The following DNAH6 variants were observed in gnomAD, a reference collection of about 807,000 sequenced individuals.
The protein encoded by DNAH6 is dynein axonemal heavy chain 6.
In DNAH6, 340 loss-of-function variants were observed where a neutral mutation model predicts 491.4. The observed-to-expected ratio is 0.69, with a 90% confidence interval of 0.63 to 0.76. DNAH6 has a LOEUF of 0.76. DNAH6 is among the 30% of genes least tolerant of loss of function. DNAH6 has a pLI of 0.00. For synonymous variants in DNAH6, 1,603 were observed against 1,686.1 expected (o/e 0.95, Z 1.21); for missense variants, 4,443 against 4,972.2 (o/e 0.89, Z 3.20).
chr2:84,643,068 A>C lies in DNAH6; in HGVS notation c.5078+1014A>C, dbSNP rs532566941. On this transcript the variant is annotated intron_variant, in intron 33 of 76. Transcript: ENST00000389394. The stretch of plus-strand genomic sequence containing the variant: ...TTTCTTGCAAGGCAAGGCTACTGGC[A>C]ACAAATTTTCTCAATGTTTATTTGT... 1.1e-3 allele frequency among the ~76,000 whole-genome samples: 165 copies of C among 152,274 alleles called. 5 individuals carry two copies. In the South Asian group the frequency reaches 0.031, roughly 29 times the overall value.
chr2:84,502,463 A>G, the DNAH6 span, among the ~76,000 whole-genome samples: 3 of 152,146 alleles, frequency 2.0e-5, no homozygotes, highest in African/African-American at 7.2e-5. Flanking sequence ...AGAATAATTC[A>G]TGTGCTGAGG....
Position 84,669,397 on chromosome 2 carries a change from T to G in DNAH6, c.6193T>G (p.Phe2065Val), listed in dbSNP as rs1458977581. The G allele has an allele frequency of 3.2e-6, 5 of 1,552,050 alleles. No individual in the cohort carries two copies. The Admixed American group carries it at 9.8e-5, about 30-fold the overall frequency. ...TTTCAAATACAACCGAGATGTTCCA[T>G]TTTTTGAAATGCTTGTCCCCACAAC... Reference protein sequence around the residue: ...PTFKYNRDVPFFEMLVPTTDT... With the variant: ...PTFKYNRDVPVFEMLVPTTDT... Residue 2065 changes from phenylalanine to valine, a missense_variant, in exon 38 of 77, where the codon TTT (phenylalanine) becomes GTT (valine). Physicochemically the swap from Phe to Val is conservative, Grantham distance 50 (BLOSUM62 -1). Transcript: ENST00000389394.
intron 11 of DNAH6, among the ~76,000 whole-genome samples, chr2:84,560,811 A>G (rs1384801601): frequency 6.6e-6 from 1 of 152,124 alleles, no homozygotes; most frequent in East Asian, 1.9e-4. Context: ...ATGGCTGCAT[A>G]GTATTCCATG....
At chr2:84,602,469 A>C (rs942745623) in intron 18 of DNAH6, among the ~76,000 whole-genome samples, 27 of 116,816 alleles carry the variant, frequency 2.3e-4, no homozygotes, top group African/African-American at 9.0e-4. Context: ...ATTGTTCTAT[A>C]GATGTTGTGT....
intron 37 of DNAH6, among the ~76,000 whole-genome samples, chr2:84,659,399 T>A (rs1156464954): frequency 6.6e-6 from 1 of 152,210 alleles, no homozygotes; most frequent in Non-Finnish European, 1.5e-5. Flanking sequence ...ATAAAAACTC[T>A]CTACTGTAAA....
At chr2:84,640,370 A>G (rs1689274788) in intron 31 of DNAH6, 60 bp from the exon 32 acceptor site, 1 of 1,061,222 alleles carries the variant, frequency 9.4e-7, no homozygotes, top group African/African-American at 1.6e-5. Context: ...TGTTGGTATC[A>G]TGCTAATACA....
intron 29 of DNAH6, among the ~76,000 whole-genome samples, chr2:84,628,728 A>G (rs1329429870): frequency 6.6e-6 from 1 of 152,204 alleles, no homozygotes; most frequent in South Asian, 2.1e-4. Flanking sequence ...AGCAGTCACC[A>G]CTAGAAAATG....
chr2:84,753,437 C>T (rs1279027342), intron 63 of DNAH6, among the ~76,000 whole-genome samples: 1 of 151,832 alleles, frequency 6.6e-6, no homozygotes, highest in African/African-American at 2.4e-5. Flanking sequence ...TTTAATGTCA[C>T]AACTAAGAAA....
chr2:84,472,872 C>A, the DNAH6 span, among the ~76,000 whole-genome samples: 2 of 152,152 alleles, frequency 1.3e-5, no homozygotes, highest in Non-Finnish European at 2.9e-5. Context: ...TTAAGTTGTT[C>A]ATCAGTCACA....
intron 48 of DNAH6, among the ~76,000 whole-genome samples, chr2:84,700,496 C>T (rs893087462): frequency 3.3e-5 from 5 of 152,040 alleles, no homozygotes; most frequent in African/African-American, 7.2e-5. Flanking sequence ...AAGTAGAATC[C>T]GGTGTGAAAT....
the DNAH6 span, among the ~76,000 whole-genome samples, chr2:84,492,271 C>G: frequency 1.3e-5 from 2 of 152,160 alleles, no homozygotes; most frequent in African/African-American, 4.8e-5. Context: ...TGCCTACTGT[C>G]CCTTAGAGTA....
At chr2:84,578,718 G>A (rs1682716847) in intron 13 of DNAH6, among the ~76,000 whole-genome samples, 1 of 152,184 alleles carries the variant, frequency 6.6e-6, no homozygotes, top group Admixed American at 6.5e-5. Context: ...ACTAAAGTCA[G>A]AGGTTCACAC....
chr2:84,681,358 C>T lies in DNAH6; in HGVS notation c.6746C>T (p.Ala2249Val), dbSNP rs958767282. 2.0e-6 allele frequency: 3 copies of T among 1,536,246 alleles called. No homozygotes were observed. Among genetic ancestry groups the T allele is most frequent in the Non-Finnish European group, 2.6e-6 (3 of 1,139,748 alleles). The change falls in exon 42 of 77, where the codon GCC becomes GTC. Residue 2249 changes from alanine (A) to valine (V), a missense_variant and splice_region_variant. Coordinates refer to ENST00000389394, the MANE Select transcript of DNAH6 (RefSeq NM_001370.2). ...SEHSLKQIFQ[A>V]ILNGFLSDFP... ...CTCATATTATGTTTCTGGTTCTAGG[C>T]CATCTTAAATGGTTTCCTGAGTGAC...
intron 10 of DNAH6, among the ~76,000 whole-genome samples, chr2:84,556,122 A>G (rs1679994166): frequency 6.6e-6 from 1 of 152,228 alleles, no homozygotes; most frequent in Non-Finnish European, 1.5e-5. Context: ...TTCCAGGAGA[A>G]AGGGGGTTGT....
rs1002156823 is a variant in DNAH6, at chr2:84,704,266, C to G, written c.8429C>G (p.Thr2810Arg). 3.9e-6 allele frequency: 6 copies of G among 1,551,574 alleles called. No homozygotes were observed. The highest frequency in any genetic ancestry group is 5.2e-6 in the Non-Finnish European group (6 of 1,146,990). ...ACAAAGCCCCCAGATTTGGTCATGA[C>G]AGTAATGGAAGCAATCTCCATTCTT... is the stretch of plus-strand genomic sequence containing the variant. ...VFTKPPDLVM[T>R]VMEAISILLN... is the part of the protein sequence containing the mutation. The change falls in exon 51 of 77, where the codon ACA (threonine) becomes AGA (arginine). Residue 2810 changes from threonine to arginine, a missense_variant. Around this residue, in one of 3 missense-constraint regions of DNAH6, gnomAD observed 1,463 missense variants for 1,656.6 expected, o/e 0.88. Transcript: ENST00000389394.
At chr2:84,564,916 C>T (rs1023389145) in intron 11 of DNAH6, among the ~76,000 whole-genome samples, 2 of 152,086 alleles carry the variant, frequency 1.3e-5, no homozygotes, top group Admixed American at 1.3e-4. Flanking sequence ...TGGATTTTAT[C>T]AAAAGCTGTT....
chr2:84,640,682 G>A lies in DNAH6; in HGVS notation c.4970+104G>A, dbSNP rs1368454790. The A allele has an allele frequency of 2.7e-6, 3 of 1,122,116 alleles. No individual in the cohort carries two copies. The East Asian group carries it at 7.8e-5, about 29-fold the overall frequency. 69.5% of individuals were successfully genotyped at this position (1,122,116 alleles called of 1,614,324 possible). ...CTCAGAGAGTAACTGATTAATAAATGTTGGCTGCTGCTGTTGTCATCATTC... is the reference window on the plus strand; with the variant it reads ...CTCAGAGAGTAACTGATTAATAAATATTGGCTGCTGCTGTTGTCATCATTC... On this transcript the variant is annotated intron_variant, in intron 32 of 76. Coordinates refer to ENST00000389394, the MANE Select transcript of DNAH6 (RefSeq NM_001370.2).
chr2:84,473,615 C>G, the DNAH6 span, among the ~76,000 whole-genome samples: 2 of 152,180 alleles, frequency 1.3e-5, no homozygotes, highest in African/African-American at 4.8e-5. Flanking sequence ...AGAGGTGAGA[C>G]ATAGCATAGG....
chr2:84,496,720 A>G, the DNAH6 span, among the ~76,000 whole-genome samples: 1 of 152,188 alleles, frequency 6.6e-6, no homozygotes, highest in Admixed American at 6.5e-5. Flanking sequence ...TATAAGTTAC[A>G]TATTATAAAA....
Sources: allele counts gnomAD v4.1 joint callset (sites outside exome capture counted in the v4.1 genomes callset), GRCh38; gene constraint gnomAD v4.1.1; regional missense constraint gnomAD v4.1.1; transcripts MANE v1.5; gene names NCBI Gene and HGNC (gene_info 2026-07-23, HGNC 2026-07-21).